TMEM45A: variants seen among roughly 807,000 people sequenced by gnomAD.
TMEM45A encodes the protein transmembrane protein 45A, also known as DNA polymerase-transactivated protein 4.
TMEM45A carries 25 observed loss-of-function variants against 32.0 expected under a neutral mutation model. The ratio of observed to expected loss-of-function variants is 0.78; its 90% confidence interval spans 0.57 to 1.09. The LOEUF is 1.09. Among genes scored for constraint, TMEM45A ranks in the 50% least tolerant of loss-of-function variants. TMEM45A has a pLI of 0.00. For missense variants in TMEM45A, 302 were observed against 325.0 expected, an observed-to-expected ratio of 0.93 and a Z score of 0.54; for synonymous variants, 122 against 114.8, an observed-to-expected ratio of 1.06 and a Z score of -0.40.
At chr3:100,498,025 A>G (rs545649994) in intron 1 of TMEM45A, among the ~76,000 whole-genome samples, 1 of 152,264 alleles carries the variant, frequency 6.6e-6, no homozygotes, top group East Asian at 1.9e-4. Flanking sequence ...ACCTGGTGGG[A>G]GGTGATTGGA....
intron 1 of TMEM45A, among the ~76,000 whole-genome samples, chr3:100,512,803 A>T (rs1420182278): frequency 1.3e-5 from 2 of 151,226 alleles, no homozygotes; most frequent in East Asian, 1.9e-4. Context: ...ATCACCACTG[A>T]TCCCACAGAA....
intron 1 of TMEM45A, among the ~76,000 whole-genome samples, chr3:100,502,671 A>G (rs532201791): frequency 9.7e-4 from 147 of 152,106 alleles, no homozygotes; most frequent in Non-Finnish European, 1.9e-3. Flanking sequence ...GGATCTCCCT[A>G]TGTTGTCCAG....
intron 3 of TMEM45A, among the ~76,000 whole-genome samples, chr3:100,557,291 C>A (rs758289370): frequency 6.6e-6 from 1 of 152,042 alleles, no homozygotes; most frequent in African/African-American, 2.4e-5. Flanking sequence ...TTTTAACAAA[C>A]GAAAACTGAT....
intron 1 of TMEM45A, among the ~76,000 whole-genome samples, chr3:100,510,703 T>G (rs868708463): frequency 1.9e-4 from 29 of 151,986 alleles, no homozygotes; most frequent in Middle Eastern, 3.4e-3. Context: ...CAAACCAAAG[T>G]CAAAGAAGTT....
intron 1 of TMEM45A, among the ~76,000 whole-genome samples, chr3:100,529,712 C>T (rs986092369): frequency 6.6e-6 from 1 of 152,074 alleles, no homozygotes; most frequent in Admixed American, 6.6e-5. Flanking sequence ...CCTTTGCCTC[C>T]CAGGCTCAAG....
intron 4 of TMEM45A, among the ~76,000 whole-genome samples, chr3:100,564,419 G>C (rs1182914129): frequency 6.6e-6 from 1 of 151,292 alleles, no homozygotes; most frequent in Non-Finnish European, 1.5e-5. Context: ...GCAAACTTTT[G>C]TGTAATGTTT....
intron 1 of TMEM45A, among the ~76,000 whole-genome samples, chr3:100,502,521 C>T (rs1708020872): frequency 6.6e-6 from 1 of 152,128 alleles, no homozygotes; most frequent in Non-Finnish European, 1.5e-5. Context: ...GGCTGGGGTG[C>T]AGTGGCATGA....
chr3:100,523,704 CCTCCTCCTTT>C (rs1463417528), intron 1 of TMEM45A, among the ~76,000 whole-genome samples: 1 of 150,580 alleles, frequency 6.6e-6, no homozygotes, highest in Non-Finnish European at 1.5e-5. Flanking sequence ...TCCTTCTCCT[CCTCCTCCTTT>C]CTCCTCCTTC....
At chr3:100,531,023 T>C (rs1455575378) in intron 1 of TMEM45A, among the ~76,000 whole-genome samples, 1 of 152,094 alleles carries the variant, frequency 6.6e-6, no homozygotes, top group Non-Finnish European at 1.5e-5. Context: ...CAAAAATACA[T>C]TGGGTGTATC....
intron 1 of TMEM45A, among the ~76,000 whole-genome samples, chr3:100,495,758 G>A (rs1707915528): frequency 6.6e-6 from 1 of 152,068 alleles, no homozygotes; most frequent in African/African-American, 2.4e-5. Flanking sequence ...TCATTCCATG[G>A]TGGCTGTCTT....
intron 1 of TMEM45A, among the ~76,000 whole-genome samples, chr3:100,525,857 GCTCTGGAAGCA>G (rs1225676702): frequency 6.6e-6 from 1 of 152,190 alleles, no homozygotes; most frequent in Non-Finnish European, 1.5e-5. Context: ...AGTAGTACTG[GCTCTGGAAGCA>G]CTTTTCCTTC....
At chr3:100,494,842 TTCC>T (rs936745116) in intron 1 of TMEM45A, among the ~76,000 whole-genome samples, 1 of 152,152 alleles carries the variant, frequency 6.6e-6, no homozygotes, top group African/African-American at 2.4e-5. Flanking sequence ...GTGCCTCAGC[TTCC>T]TCCTCTGTAA....
At chr3:100,503,079 CCTT>C (rs1559633075) in intron 1 of TMEM45A, among the ~76,000 whole-genome samples, 3 of 151,366 alleles carry the variant, frequency 2.0e-5, no homozygotes. Flanking sequence ...TCCTCCTCCT[CCTT>C]CTTCCTCTTC....
chr3:100,558,694 CT>C (rs759729986), intron 4 of TMEM45A, 105 bp downstream of exon 4: 25 of 1,144,652 alleles, frequency 2.2e-5, no homozygotes, highest in East Asian at 1.7e-4. Context: ...AACATACTGC[CT>C]GTAGTAAGAT....
chr3:100,541,853 G>A (rs976717729), intron 1 of TMEM45A, among the ~76,000 whole-genome samples: 1 of 152,086 alleles, frequency 6.6e-6, no homozygotes, highest in African/African-American at 2.4e-5. Flanking sequence ...TTCTGCATAT[G>A]GCTAGCCAGC....
intron 3 of TMEM45A, 79 bp from the exon 4 acceptor site, chr3:100,558,326 C>A: frequency 6.4e-7 from 1 of 1,554,366 alleles, no homozygotes. Flanking sequence ...AAAATTCTGT[C>A]TACGGAGAGA....
At chr3:100,520,973 C>A (rs766950198) in intron 1 of TMEM45A, among the ~76,000 whole-genome samples, 3 of 152,154 alleles carry the variant, frequency 2.0e-5, no homozygotes, top group Admixed American at 6.5e-5. Flanking sequence ...TTCTTTGGCC[C>A]ATGATGGATC....
intron 1 of TMEM45A, among the ~76,000 whole-genome samples, chr3:100,549,466 T>A (rs1356589621): frequency 6.6e-6 from 1 of 152,196 alleles, no homozygotes; most frequent in Non-Finnish European, 1.5e-5. Context: ...AGGTGGCACA[T>A]GACTGAGGCT....
chr3:100,540,469 A>G (rs575284124), intron 1 of TMEM45A, among the ~76,000 whole-genome samples: 73 of 152,352 alleles, frequency 4.8e-4, no homozygotes, highest in Non-Finnish European at 7.2e-4. Context: ...AGGGAATTGC[A>G]AATTAAAACA....
Sources: allele counts gnomAD v4.1 joint callset (sites outside exome capture counted in the v4.1 genomes callset), GRCh38; gene constraint gnomAD v4.1.1; transcripts MANE v1.5; gene names NCBI Gene and HGNC (gene_info 2026-07-23, HGNC 2026-07-21).